Variants in GATC observed in about 807,000 individuals in gnomAD.
GATC encodes glutamyl-tRNA(Gln) amidotransferase subunit C, mitochondrial.
Under a neutral mutation model 14.4 loss-of-function variants are expected in GATC, and 11 were observed. The observed-to-expected ratio is 0.77, with a 90% CI of 0.48 to 1.27. GATC has a LOEUF of 1.27. Ranked by LOEUF, GATC falls within the 50% of genes most tolerant of loss-of-function variation. The probability of loss-of-function intolerance (pLI) is 0.00; values close to 1 mark genes in which losing one functional copy is unlikely to be tolerated. For synonymous variants in GATC, 76 were observed against 79.3 expected, an observed-to-expected ratio of 0.96 and a Z score of 0.22; for missense variants, 204 against 183.0, an observed-to-expected ratio of 1.11 and a Z score of -0.66.
chr12:120,455,335 GTTTT>G (rs1378614435), intron 2 of GATC, among the ~76,000 whole-genome samples: 1 of 151,826 alleles, frequency 6.6e-6, no homozygotes, highest in Non-Finnish European at 1.5e-5. Context: ...CGCTTGGCTA[GTTTT>G]TGTATTTTTA....
chr12:120,453,654 T>G (rs1049462621), intron 2 of GATC, among the ~76,000 whole-genome samples: 2 of 152,082 alleles, frequency 1.3e-5, no homozygotes, highest in Non-Finnish European at 2.9e-5. Context: ...ATGCTTGCTG[T>G]ACCACTGTCA....
chr12:120,451,354 G>GA (rs1675606218), intron 2 of GATC, among the ~76,000 whole-genome samples: 1 of 151,842 alleles, frequency 6.6e-6, no homozygotes, highest in Non-Finnish European at 1.5e-5. Flanking sequence ...TGAAGCAGGA[G>GA]AATCGGTTGA....
In GATC at chr12:120,446,523, G is replaced by C. The variant is rs752165199; in HGVS notation, c.43G>C (p.Gly15Arg). The change falls in exon 1 of 4, where the codon GGC (glycine) becomes CGC (arginine). Residue 15 changes from glycine (G) to arginine (R), a missense_variant. Gly to Arg is a moderately radical substitution (Grantham distance 125, BLOSUM62 -2). Transcript: ENST00000551765. ...LVWLGLRAPL[G>R]GRQGFTSKAD... is the part of the protein sequence containing the mutation. ...GTGGCTGGGCCTTCGGGCCCCTCTG[G>C]GCGGGCGCCAGGGCTTCACCTCCAA... The C allele has an allele frequency of 1.2e-6, 2 of 1,605,304 alleles. No homozygotes were observed. Among genetic ancestry groups the C allele is most frequent in the Admixed American group, 3.4e-5 (2 of 59,490 alleles).
chr12:120,446,813 T>A lies in GATC; in HGVS notation c.238T>A (p.Ser80Thr), dbSNP rs936730802. ...CACAGACGGGGTGGAGCCCATGGAA[T>A]CGGTCCTGGAGGACAGGTAAACTCG... ...VDTDGVEPMESVLEDRCLYLR... is the reference protein window; with the variant it reads ...VDTDGVEPMETVLEDRCLYLR... Residue 80 changes from serine (S) to threonine (T), a missense_variant, in exon 2 of 4, where the codon TCG becomes ACG. Ser to Thr is a moderately conservative substitution (Grantham distance 58, BLOSUM62 1). Coordinates refer to ENST00000551765, the MANE Select transcript of GATC (RefSeq NM_176818.3). The A allele has an allele frequency of 6.2e-7, 1 of 1,612,448 alleles. No homozygotes were observed.
Position 120,457,097 on chromosome 12 carries a change from C to T in GATC, c.276C>T (p.Asp92=), listed in dbSNP as rs1878205769. The change falls in exon 3 of 4, where the codon GAC becomes GAT. Residue 92 remains aspartate, a synonymous_variant. Transcript: ENST00000551765. ...LEDRCLYLRS[D]NVVEGNCADE... ...GTAGATGTCTATACCTGAGATCCGA[C>T]AATGTGGTAGAAGGCAACTGTGCTG... 1.2e-6 allele frequency: 2 copies of T among 1,613,774 alleles called. No homozygotes were observed. Among genetic ancestry groups the T allele is most frequent in the Middle Eastern group, 1.6e-4 (1 of 6,062 alleles).
chr12:120,453,921 A>G (rs1878113447), intron 2 of GATC, among the ~76,000 whole-genome samples: 1 of 152,114 alleles, frequency 6.6e-6, no homozygotes, highest in Non-Finnish European at 1.5e-5. Context: ...AACTAAATAG[A>G]AATGTATGTA....
intron 3 of GATC, among the ~76,000 whole-genome samples, chr12:120,457,685 C>A (rs1878224749): frequency 6.7e-6 from 1 of 149,154 alleles, no homozygotes; most frequent in Non-Finnish European, 1.5e-5. Context: ...CGGCTCACCG[C>A]AACCTCCACC....
intron 2 of GATC, among the ~76,000 whole-genome samples, chr12:120,452,353 C>G (rs1392576201): frequency 6.6e-6 from 1 of 152,132 alleles, no homozygotes; most frequent in African/African-American, 2.4e-5. Flanking sequence ...CTAAGATATG[C>G]CAGCTAAAGT....
chr12:120,453,862 C>T (rs1477051063), intron 2 of GATC, among the ~76,000 whole-genome samples: 2 of 151,426 alleles, frequency 1.3e-5, no homozygotes, highest in Admixed American at 1.3e-4. Flanking sequence ...AACAAAAAAC[C>T]AACCCCAGAA....
rs1448973379 is a variant in GATC, at chr12:120,462,181, C to G, written c.*2222C>G. On this transcript the variant is annotated 3_prime_UTR_variant, in exon 4 of 4. Transcript: ENST00000551765. ...TTTCACCCTGAAATGCAAACAAAAACAAAAAGAGTAAAGGGGAAAAAAATC... is the reference window on the plus strand; with the variant it reads ...TTTCACCCTGAAATGCAAACAAAAAGAAAAAGAGTAAAGGGGAAAAAAATC... 6.3e-7 allele frequency: 1 copy of G among 1,590,886 alleles called. No individual in the cohort carries two copies. The highest frequency in any genetic ancestry group is 8.6e-7 in the Non-Finnish European group (1 of 1,169,222).
At chr12:120,447,269 T>C (rs1877902083) in intron 2 of GATC, among the ~76,000 whole-genome samples, 1 of 151,890 alleles carries the variant, frequency 6.6e-6, no homozygotes, top group Non-Finnish European at 1.5e-5. Context: ...AGTAGAGACG[T>C]GGTTTCACCA....
chr12:120,459,665 G>A (rs1190455625), intron 3 of GATC, among the ~76,000 whole-genome samples: 1 of 152,156 alleles, frequency 6.6e-6, no homozygotes, highest in Non-Finnish European at 1.5e-5. Context: ...GACCATCCTG[G>A]CTAACACGGT....
At chr12:120,450,671 T>TAAG (rs1185283593) in intron 2 of GATC, 1 of 154,334 alleles carries the variant, frequency 6.5e-6, no homozygotes, top group Non-Finnish European at 1.5e-5. Flanking sequence ...CCGGTCTCTT[T>TAAG]AAGAGCCTGA....
chr12:120,458,768 G>GAAGAC (rs1268261737), intron 3 of GATC, among the ~76,000 whole-genome samples: 5 of 152,326 alleles, frequency 3.3e-5, no homozygotes, highest in Admixed American at 3.3e-4. Context: ...AGACTCCACA[G>GAAGAC]AAGACATTGG....
intron 2 of GATC, among the ~76,000 whole-genome samples, chr12:120,447,436 TCTC>T (rs1445883213): frequency 4.6e-5 from 7 of 152,080 alleles, no homozygotes; most frequent in African/African-American, 1.7e-4. Flanking sequence ...AACGTACTCT[TCTC>T]AGTACTCTCC....
At chr12:120,459,344 G>A (rs1026890110) in intron 3 of GATC, among the ~76,000 whole-genome samples, 1 of 152,158 alleles carries the variant, frequency 6.6e-6, no homozygotes, top group African/African-American at 2.4e-5. Context: ...CTGAGTTCAT[G>A]GTCAGTGTTT....
intron 3 of GATC, among the ~76,000 whole-genome samples, chr12:120,459,105 C>T (rs1165220038): frequency 2.0e-5 from 3 of 152,116 alleles, no homozygotes; most frequent in Non-Finnish European, 4.4e-5. Context: ...CGTGATCGTC[C>T]GCTTCGGCCT....
At chr12:120,453,355 G>T (rs1161325384) in intron 2 of GATC, among the ~76,000 whole-genome samples, 1 of 152,166 alleles carries the variant, frequency 6.6e-6, no homozygotes, top group Non-Finnish European at 1.5e-5. Flanking sequence ...GGGTTCCTCA[G>T]CCAAACCAGA....
At chr12:120,455,117 A>T in intron 2 of GATC, 1 of 257,656 alleles carries the variant, frequency 3.9e-6, no homozygotes. Context: ...TCCTGACCTC[A>T]GGTGATCCAC....
Sources: allele counts gnomAD v4.1 joint callset (sites outside exome capture counted in the v4.1 genomes callset), GRCh38; gene constraint gnomAD v4.1.1; transcripts MANE v1.5; gene names NCBI Gene and HGNC (gene_info 2026-07-23, HGNC 2026-07-21).